PRRX2: variants seen among roughly 807,000 people sequenced by gnomAD.
PRRX2 encodes paired mesoderm homeobox protein 2.
A neutral mutation model predicts 18.0 loss-of-function variants in PRRX2; 11 were observed. The ratio of observed to expected loss-of-function variants is 0.61; its 90% CI spans 0.39 to 1.01. The LOEUF is 1.01. Ranked by LOEUF, PRRX2 falls within the 50% of genes least tolerant of loss-of-function variation. The pLI is 0.01. For synonymous variants in PRRX2, 177 were observed against 154.8 expected, an observed-to-expected ratio of 1.14 and a Z score of -1.06; for missense variants, 387 against 351.0, an observed-to-expected ratio of 1.10 and a Z score of -0.82.
intron 3 of PRRX2, among the ~76,000 whole-genome samples, chr9:129,721,323 G>C (rs1832788993): frequency 6.6e-6 from 1 of 152,132 alleles, no homozygotes; most frequent in African/African-American, 2.4e-5. Context: ...TTCTGGGGCA[G>C]TTTTGTCTGG....
intron 1 of PRRX2, among the ~76,000 whole-genome samples, chr9:129,703,299 G>A (rs943691795): frequency 1.3e-5 from 2 of 152,206 alleles, no homozygotes; most frequent in African/African-American, 4.8e-5. Context: ...AACGGTCTCT[G>A]CGCCTGGCCA....
At chr9:129,680,183 C>T (rs1022216994) in intron 1 of PRRX2, among the ~76,000 whole-genome samples, 2 of 151,996 alleles carry the variant, frequency 1.3e-5, no homozygotes, top group African/African-American at 2.4e-5. Context: ...GGGTGGATCA[C>T]CTGAGGTCAA....
chr9:129,713,419 G>A (rs1443899566), intron 1 of PRRX2, among the ~76,000 whole-genome samples: 1 of 152,124 alleles, frequency 6.6e-6, no homozygotes, highest in Non-Finnish European at 1.5e-5. Context: ...CCTTTAGGAC[G>A]AAGAGGTGAC....
chr9:129,700,610 C>A (rs1275119823), intron 1 of PRRX2, among the ~76,000 whole-genome samples: 1 of 147,770 alleles, frequency 6.8e-6, no homozygotes, highest in African/African-American at 2.5e-5. Flanking sequence ...GATTGCAGAG[C>A]CACACCTGGC....
At chr9:129,677,995 ACT>A (rs1272981984) in intron 1 of PRRX2, among the ~76,000 whole-genome samples, 4 of 117,864 alleles carry the variant, frequency 3.4e-5, no homozygotes, top group African/African-American at 1.4e-4. Context: ...ATGGAGTCTC[ACT>A]CTGTCGCCCA....
chr9:129,667,876 G>A (rs1474420830), intron 1 of PRRX2, among the ~76,000 whole-genome samples: 1 of 152,158 alleles, frequency 6.6e-6, no homozygotes, highest in African/African-American at 2.4e-5. Flanking sequence ...CAGCTCCCTG[G>A]GGCTAGCCAC....
chr9:129,685,939 G>A (rs1320230940), intron 1 of PRRX2, among the ~76,000 whole-genome samples: 1 of 152,184 alleles, frequency 6.6e-6, no homozygotes, highest in African/African-American at 2.4e-5. Flanking sequence ...AGACCCCCAC[G>A]CCTTTCTGGA....
At chr9:129,696,933 C>T (rs886391690) in intron 1 of PRRX2, among the ~76,000 whole-genome samples, 3 of 152,170 alleles carry the variant, frequency 2.0e-5, no homozygotes, top group African/African-American at 7.2e-5. Flanking sequence ...TCCGATAGAC[C>T]AGCTGAATGG....
chr9:129,665,943 C>T lies in PRRX2; in HGVS notation c.76C>T (p.Leu26=). ...GGGGCCGCCGCCGCCTCCACCCGCG[C>T]TGGGGCCCGGCGACTGCGCCCAGGC... ...GPGPPPPPPA[L]GPGDCAQARK... Residue 26 remains leucine, a synonymous_variant, in exon 1 of 4, where the codon CTG becomes TTG. Coordinates refer to ENST00000372469, the MANE Select transcript of PRRX2 (RefSeq NM_016307.4). This position sits in a 1 kb window ranked among gnomAD's most constrained non-coding sequence, Gnocchi z 5.3. The T allele has an allele frequency of 8.8e-7, 1 of 1,130,704 alleles. No individual in the cohort carries two copies. The highest frequency in any genetic ancestry group is 1.7e-5 in the African/African-American group (1 of 59,114). The allele number at this position is 1,130,704 out of a possible 1,614,324, so 70.0% of individuals were successfully genotyped here.
intron 1 of PRRX2, among the ~76,000 whole-genome samples, chr9:129,692,315 C>T (rs1832370311): frequency 6.6e-6 from 1 of 151,888 alleles, no homozygotes; most frequent in Non-Finnish European, 1.5e-5. Context: ...GCAGAGATTC[C>T]CCATCTATCT....
rs966238767 is a variant in PRRX2 at position 129,671,208 on chromosome 9, G to A, written c.259+5082G>A. Among the ~76,000 whole-genome samples, 5 of 152,190 alleles carry A rather than the reference G, an allele frequency of 3.3e-5. No homozygotes were observed. The highest frequency in any genetic ancestry group is 2.0e-4 in the Admixed American group (3 of 15,288). On this transcript the variant is annotated intron_variant, in intron 1 of 3. Transcript: ENST00000372469. The surrounding 1 kb of genome is among the most constrained non-coding windows in gnomAD (Gnocchi z 4.0). ...AGATGATCATGTCTCAGCAGGAGCC[G>A]GGGAGCAGGGAGGGAGGAGGAGTGA...
intron 1 of PRRX2, among the ~76,000 whole-genome samples, chr9:129,698,964 G>T (rs902244257): frequency 1.3e-5 from 2 of 152,210 alleles, no homozygotes; most frequent in Admixed American, 6.5e-5. Flanking sequence ...GGGCCATCAG[G>T]ATAGCCTGAC....
At chr9:129,698,630 C>T (rs1832459212) in intron 1 of PRRX2, among the ~76,000 whole-genome samples, 1 of 152,256 alleles carries the variant, frequency 6.6e-6, no homozygotes, top group Non-Finnish European at 1.5e-5. Context: ...GAGGTTGAGA[C>T]AACCCAGACT....
In PRRX2 at chr9:129,707,026, C is replaced by T. The variant is rs140352079; in HGVS notation, c.260-12205C>T. 5.3e-3 allele frequency among the ~76,000 whole-genome samples: 808 copies of T among 152,226 alleles called. 7 individuals carry two copies. Among genetic ancestry groups the T allele is most frequent in the African/African-American group, 0.018 (753 of 41,518 alleles). The stretch of plus-strand genomic sequence containing the variant: ...ATCCCAGCACTTTGGGAGGCAAAGG[C>T]GGGCAGATCACTTGAGGTCAAGAGT... On this transcript the variant is annotated intron_variant, in intron 1 of 3. Transcript: ENST00000372469.
chr9:129,714,248 T>G (rs1168286473), intron 1 of PRRX2, among the ~76,000 whole-genome samples: 1 of 151,546 alleles, frequency 6.6e-6, no homozygotes, highest in African/African-American at 2.4e-5. Context: ...GAGGTTGCAG[T>G]GAGCCGAGAT....
At position 129,695,896 on chromosome 9, in the gene PRRX2, A is replaced by G. The variant is rs1269966367; in HGVS notation, c.260-23335A>G. Among the ~76,000 whole-genome samples, 1 of 152,182 alleles carries G rather than the reference A, an allele frequency of 6.6e-6. No homozygotes were observed. The highest frequency in any genetic ancestry group is 1.5e-5 in the Non-Finnish European group (1 of 68,026). Reference sequence around the variant, plus strand: ...CTCTGCTGTCATGTAAGCAGCTCAGAAAAAAACACTCTTCTCCCATTTTAA... The same window carrying G: ...CTCTGCTGTCATGTAAGCAGCTCAGGAAAAAACACTCTTCTCCCATTTTAA... On this transcript the variant is annotated intron_variant, in intron 1 of 3. Coordinates refer to ENST00000372469, the MANE Select transcript of PRRX2 (RefSeq NM_016307.4). The surrounding 1 kb of genome is among the most constrained non-coding windows in gnomAD (Gnocchi z 4.8).
At chr9:129,720,552 T>TC in intron 2 of PRRX2, 44 bp from the exon 3 acceptor site, 1 of 1,529,336 alleles carries the variant, frequency 6.5e-7, no homozygotes, top group Non-Finnish European at 8.8e-7. Context: ...AGGACTTGGG[T>TC]CCCCCCTGCC....
chr9:129,712,284 C>G (rs1443462136), intron 1 of PRRX2, among the ~76,000 whole-genome samples: 1 of 152,050 alleles, frequency 6.6e-6, no homozygotes, highest in Non-Finnish European at 1.5e-5. Flanking sequence ...CACCTCAGCC[C>G]GGGGGTCAGG....
intron 1 of PRRX2, among the ~76,000 whole-genome samples, chr9:129,668,594 A>G (rs1832057217): frequency 1.3e-5 from 2 of 151,882 alleles, no homozygotes; most frequent in Admixed American, 1.3e-4. Flanking sequence ...TCTGGCTAAC[A>G]TGGTGAAACC....
Sources: gnomAD v4.1 joint callset for allele counts (sites outside exome capture counted in the v4.1 genomes callset) on GRCh38, gnomAD v4.1.1 for gene constraint, Gnocchi (gnomAD v3.1) non-coding constraint, MANE v1.5 for transcripts, NCBI Gene and HGNC (gene_info 2026-07-23, HGNC 2026-07-21) for gene names.